The following RALGAPB variants were observed in gnomAD, a reference collection of about 807,000 sequenced individuals.
RALGAPB encodes ral GTPase-activating protein subunit beta.
In RALGAPB, 25 loss-of-function variants were observed where a neutral mutation model predicts 161.1. That is an observed-to-expected ratio of 0.16 (90% CI 0.11 to 0.22). The LOEUF (loss-of-function observed/expected upper bound fraction) is 0.22. RALGAPB is among the 10% of genes least tolerant of loss of function. RALGAPB has a pLI of 1.00. For missense variants in RALGAPB, 1,391 were observed against 1,815.2 expected (o/e 0.77, Z 4.25); for synonymous variants, 629 against 626.1 (o/e 1.00, Z -0.07).
chr20:38,484,212 G>C (rs2085055187), intron 1 of RALGAPB, among the ~76,000 whole-genome samples: 2 of 152,078 alleles, frequency 1.3e-5, no homozygotes, highest in South Asian at 4.1e-4. Context: ...ACTGGCCACT[G>C]ACAATACTGG....
rs2087257646 is a variant in RALGAPB at position 38,548,701 on chromosome 20, C to G, written c.2915C>G (p.Pro972Arg). The G allele has an allele frequency of 6.2e-7, 1 of 1,611,946 alleles. No individual in the cohort carries two copies. The highest frequency in any genetic ancestry group is 1.1e-5 in the South Asian group (1 of 90,810). ...TATTTTATTCTAGATGATTTTTTCCCCTCTGTCACTGTGCTGGTCCGGGGA... is the reference window on the plus strand; with the variant it reads ...TATTTTATTCTAGATGATTTTTTCCGCTCTGTCACTGTGCTGGTCCGGGGA... Reference protein sequence around the residue: ...PLGNEQNDFFPSVTVLVRGMS... With the variant: ...PLGNEQNDFFRSVTVLVRGMS... Residue 972 changes from proline (P) to arginine (R), a missense_variant, in exon 20 of 30, where the codon CCC (proline) becomes CGC (arginine). Physicochemically the swap from Pro to Arg is moderately radical, Grantham distance 103 (BLOSUM62 -2). Around this residue, in one of 3 missense-constraint regions of RALGAPB, gnomAD observed 946 missense variants for 1,257.2 expected, o/e 0.75. Coordinates refer to ENST00000262879, the MANE Select transcript of RALGAPB (RefSeq NM_020336.4).
Position 38,575,086 on chromosome 20 carries a change from T to G in RALGAPB, c.*119T>G. On this transcript the variant is annotated 3_prime_UTR_variant, in exon 30 of 30. Coordinates refer to ENST00000262879, the MANE Select transcript of RALGAPB (RefSeq NM_020336.4). Reference sequence around the variant, plus strand: ...TCACTCCCAAGAGCTTACTGTTTAATCACCAGAATAGAAGAAACACATTAT... The same window carrying G: ...TCACTCCCAAGAGCTTACTGTTTAAGCACCAGAATAGAAGAAACACATTAT... 1.1e-6 allele frequency: 1 copy of G among 870,734 alleles called. No individual in the cohort carries two copies. The highest frequency in any genetic ancestry group is 1.8e-6 in the Non-Finnish European group (1 of 563,246). The allele number at this position is 870,734 out of a possible 1,614,324, so 53.9% of individuals were successfully genotyped here.
At chr20:38,480,954 T>C (rs1385202141) in intron 1 of RALGAPB, among the ~76,000 whole-genome samples, 1 of 151,824 alleles carries the variant, frequency 6.6e-6, no homozygotes, top group East Asian at 1.9e-4. Context: ...GTTAGGATGG[T>C]CTTGATCTCC....
intron 1 of RALGAPB, among the ~76,000 whole-genome samples, chr20:38,474,213 C>A (rs1029083043): frequency 6.6e-6 from 1 of 152,216 alleles, no homozygotes; most frequent in African/African-American, 2.4e-5. Context: ...CTAGACCATC[C>A]TCTGAACGTT....
At chr20:38,482,102 A>G (rs1600821234) in intron 1 of RALGAPB, among the ~76,000 whole-genome samples, 1 of 152,160 alleles carries the variant, frequency 6.6e-6, no homozygotes, top group South Asian at 2.1e-4. Context: ...CAGTCAAATA[A>G]TACATATTTT....
At chr20:38,557,665 AG>A (rs1475227907) in intron 22 of RALGAPB, among the ~76,000 whole-genome samples, 1 of 152,170 alleles carries the variant, frequency 6.6e-6, no homozygotes, top group Non-Finnish European at 1.5e-5. Flanking sequence ...TATGCATTTA[AG>A]GTTTCTTCAT....
chr20:38,514,655 T>C (rs2086073460), intron 6 of RALGAPB, among the ~76,000 whole-genome samples: 1 of 152,214 alleles, frequency 6.6e-6, no homozygotes, highest in Non-Finnish European at 1.5e-5. Context: ...TCTTGTGTGT[T>C]AGTGATTTAT....
intron 6 of RALGAPB, 40 bp from the exon 7 acceptor site, chr20:38,516,152 T>C (rs1421741316): frequency 1.9e-5 from 27 of 1,457,576 alleles, no homozygotes; most frequent in Non-Finnish European, 2.3e-5. Flanking sequence ...GCTATAGAAA[T>C]TTCTAAATTT....
intron 21 of RALGAPB, among the ~76,000 whole-genome samples, chr20:38,553,053 A>T (rs889803337): frequency 6.6e-6 from 1 of 152,282 alleles, no homozygotes; most frequent in Middle Eastern, 3.4e-3. Context: ...TGAGTGCCCC[A>T]CCGCAATAGT....
chr20:38,511,015 A>G (rs1234482284), intron 6 of RALGAPB, among the ~76,000 whole-genome samples: 3 of 152,180 alleles, frequency 2.0e-5, no homozygotes, highest in Non-Finnish European at 4.4e-5. Context: ...TTCATCTTCA[A>G]CAGATGACTC....
intron 22 of RALGAPB, among the ~76,000 whole-genome samples, chr20:38,554,586 A>G (rs1273284068): frequency 2.6e-5 from 4 of 152,174 alleles, no homozygotes; most frequent in Non-Finnish European, 4.4e-5. Flanking sequence ...CTTGCCAGCT[A>G]TGTGGTCTTT....
chr20:38,527,197 T>G (rs1012224563), intron 13 of RALGAPB, among the ~76,000 whole-genome samples: 3 of 152,226 alleles, frequency 2.0e-5, no homozygotes, highest in African/African-American at 2.4e-5. Context: ...TCCTAGCATC[T>G]TAGATTTTTA....
At chr20:38,538,066 G>C (rs2086860885) in intron 16 of RALGAPB, 1 of 159,268 alleles carries the variant, frequency 6.3e-6, no homozygotes, top group African/African-American at 2.4e-5. Flanking sequence ...CAGAGTCTGT[G>C]CTGTAAACTA....
At chr20:38,525,665 G>C (rs1396955504) in intron 12 of RALGAPB, 147 bp downstream of exon 12, 2 of 832,662 alleles carry the variant, frequency 2.4e-6, no homozygotes, top group African/African-American at 3.5e-5. Flanking sequence ...AATTAACAAA[G>C]TTGACTTGTG....
chr20:38,476,201 G>A (rs908666228), intron 1 of RALGAPB, among the ~76,000 whole-genome samples: 1 of 152,208 alleles, frequency 6.6e-6, no homozygotes, highest in African/African-American at 2.4e-5. Flanking sequence ...GAGAACAAAA[G>A]TGACTCTAAT....
chr20:38,506,991 T>C (rs988207664), intron 5 of RALGAPB, among the ~76,000 whole-genome samples: 10 of 152,224 alleles, frequency 6.6e-5, no homozygotes, highest in Admixed American at 3.3e-4. Flanking sequence ...CCCAGCACTT[T>C]GGGAGGCTGA....
Position 38,496,935 on chromosome 20 carries a change from T to G in RALGAPB, c.390-418T>G, listed in dbSNP as rs552359574. Reference sequence around the variant, plus strand: ...ATCACATGCAGAATTCTTGCAAATATGTGTTTAAAAAAATTAAAAAAGAAT... The same window carrying G: ...ATCACATGCAGAATTCTTGCAAATAGGTGTTTAAAAAAATTAAAAAAGAAT... On this transcript the variant is annotated intron_variant, in intron 3 of 29. Transcript: ENST00000262879. Among the ~76,000 whole-genome samples, 18 of 152,308 alleles carry G rather than the reference T, an allele frequency of 1.2e-4. No homozygotes were observed. In the East Asian group the frequency reaches 3.3e-3, roughly 28 times the overall value.
At position 38,576,434 on chromosome 20, in the gene RALGAPB, T is replaced by C. The variant is rs2088439433; in HGVS notation, c.*1467T>C. 1 of 152,506 alleles carries C rather than the reference T, an allele frequency of 6.6e-6. No homozygotes were observed. Among genetic ancestry groups the C allele is most frequent in the Non-Finnish European group, 1.5e-5 (1 of 68,036 alleles). The allele number at this position is 152,506 out of a possible 1,614,324, so 9.4% of individuals were successfully genotyped here. ...CCTAATTCCCTGTGCAAATGTCTCT[T>C]ATTCCAGAAATGTGCATTTTGTCAT... On this transcript the variant is annotated 3_prime_UTR_variant, in exon 30 of 30. Transcript: ENST00000262879.
chr20:38,527,260 G>A lies in RALGAPB; in HGVS notation c.2050+1218G>A, dbSNP rs183586408. On this transcript the variant is annotated intron_variant, in intron 13 of 29. Transcript: ENST00000262879. ...CCTTTAAGCCCTTATGCCCCCAGAG[G>A]AGGTGGGGTGTATGTCCTTCCAACA... Among the ~76,000 whole-genome samples the A allele has an allele frequency of 6.1e-4, 93 of 152,290 alleles. No homozygotes were observed. In the East Asian group the frequency reaches 0.015, roughly 25 times the overall value.
Sources: gnomAD v4.1 joint callset for allele counts (sites outside exome capture counted in the v4.1 genomes callset) on GRCh38, gnomAD v4.1.1 for gene constraint, gnomAD v4.1.1 regional missense constraint, MANE v1.5 for transcripts, NCBI Gene and HGNC (gene_info 2026-07-23, HGNC 2026-07-21) for gene names.